The following RUVBL1 variants were observed in gnomAD, a reference collection of about 807,000 sequenced individuals.
The protein encoded by RUVBL1 is RuvB like AAA ATPase 1.
In RUVBL1, 4 loss-of-function variants were observed where a neutral mutation model predicts 52.4. The ratio of observed to expected loss-of-function variants is 0.08; its 90% CI spans 0.04 to 0.17. RUVBL1 has a LOEUF of 0.17. Among genes scored for constraint, RUVBL1 ranks in the 10% least tolerant of loss-of-function variants. RUVBL1 has a pLI of 1.00. For synonymous variants in RUVBL1, 217 were observed against 214.4 expected, an observed-to-expected ratio of 1.01 and a Z score of -0.10; for missense variants, 298 against 572.8, an observed-to-expected ratio of 0.52 and a Z score of 4.90.
chr3:128,087,585 G>A lies in RUVBL1; in HGVS notation c.1119+121C>T, dbSNP rs892897097. ...TAATGTGACTTGCTCGAGGCCAGTA[G>A]CTAAGTGGTGAGATGGTGAATGGCA... is the stretch of plus-strand genomic sequence containing the variant. On this transcript the variant is annotated intron_variant, in intron 9 of 10. Coordinates refer to ENST00000322623, the MANE Select transcript of RUVBL1 (RefSeq NM_003707.3). 5.5e-5 allele frequency: 37 copies of A among 678,018 alleles called. No individual in the cohort carries two copies. In the African/African-American group the frequency reaches 6.2e-4, roughly 11 times the overall value. 42.0% of individuals were successfully genotyped at this position (678,018 alleles called of 1,614,324 possible). A position where few individuals can be genotyped will look rare whatever the true frequency, so the allele number is the denominator to read the frequency against.
chr3:128,082,985 ACAAG>A lies in RUVBL1; in HGVS notation c.1120-415_1120-412del. On this transcript the variant is annotated intron_variant, in intron 9 of 10. Transcript: ENST00000322623. This position sits in a 1 kb window ranked among gnomAD's most constrained non-coding sequence, Gnocchi z 4.7. ...CTCTCCAGCATGGGCACTACTGCCT[ACAAG>A]CACTCAGGCAAGAAGGGACATTTTT... is the stretch of plus-strand genomic sequence containing the variant. The A allele has an allele frequency of 1.2e-5, 2 of 160,850 alleles. No individual in the cohort carries two copies. The highest frequency in any genetic ancestry group is 3.5e-4 in the South Asian group (2 of 5,728). The allele number at this position is 160,850 out of a possible 1,614,324, so 10.0% of individuals were successfully genotyped here. A position where few individuals can be genotyped will look rare whatever the true frequency, so the allele number is the denominator to read the frequency against.
intron 3 of RUVBL1, among the ~76,000 whole-genome samples, chr3:128,110,883 T>C (rs574791025): frequency 6.6e-6 from 1 of 152,246 alleles, no homozygotes; most frequent in South Asian, 2.1e-4. Flanking sequence ...CAGACATATT[T>C]TTTAGCTAAA....
At chr3:128,143,007 C>T (rs578053883) in intron 1 of RUVBL1, among the ~76,000 whole-genome samples, 1 of 152,102 alleles carries the variant, frequency 6.6e-6, no homozygotes, top group African/African-American at 2.4e-5. Context: ...TCTCGAACTC[C>T]TGACCTCAGA....
chr3:128,104,947 C>T, intron 3 of RUVBL1, 23 bp from the exon 4 acceptor site: 1 of 1,585,846 alleles, frequency 6.3e-7, no homozygotes, highest in Non-Finnish European at 8.6e-7. Flanking sequence ...GCAGAGGGGC[C>T]ATGGTGAGAA....
At chr3:128,151,535 A>C (rs1436082197) in intron 1 of RUVBL1, among the ~76,000 whole-genome samples, 1 of 151,966 alleles carries the variant, frequency 6.6e-6, no homozygotes, top group Non-Finnish European at 1.5e-5. Flanking sequence ...CTCCCTTTTA[A>C]ATACGTTTAC....
chr3:128,082,198 G>C lies in RUVBL1; in HGVS notation c.1211+285C>G. On this transcript the variant is annotated intron_variant, in intron 10 of 10. Transcript: ENST00000322623. This position sits in a 1 kb window ranked among gnomAD's most constrained non-coding sequence, Gnocchi z 4.7. The stretch of plus-strand genomic sequence containing the variant: ...CATGGTCCCTGCTCTCTAGTTCTGT[G>C]CATCTTCTCTGCCACAAGAAGGCCC... 1 of 393,142 alleles carries C rather than the reference G, an allele frequency of 2.5e-6. No homozygotes were observed. 24.4% of individuals were successfully genotyped at this position (393,142 alleles called of 1,614,324 possible).
intron 1 of RUVBL1, among the ~76,000 whole-genome samples, chr3:128,131,761 T>A (rs899273962): frequency 3.3e-5 from 5 of 151,886 alleles, no homozygotes; most frequent in African/African-American, 4.8e-5. Flanking sequence ...AGAAAAAAAA[T>A]TTGACAAAAT....
intron 1 of RUVBL1, among the ~76,000 whole-genome samples, chr3:128,145,345 C>T (rs1031114606): frequency 6.6e-6 from 1 of 152,180 alleles, no homozygotes; most frequent in African/African-American, 2.4e-5. Flanking sequence ...CAGGACTGGA[C>T]ACAAGCAGTG....
rs386397876 is a variant in RUVBL1, at chr3:128,074,842, C to CAAAAAAAAAA, written c.940-9632_940-9623dup. On this transcript the variant is annotated intron_variant, in intron 9 of 9. Transcript: ENST00000464873. ...GGGCAACAGGAGCGAAACTCCGTCT[C>CAAAAAAAAAA]AAAAAAAAAAAAAAAAAAAAAAACT... is the stretch of plus-strand genomic sequence containing the variant. 2.2e-3 allele frequency among the ~76,000 whole-genome samples: 161 copies of CAAAAAAAAAA among 72,788 alleles called. 4 individuals carry two copies. Among genetic ancestry groups the CAAAAAAAAAA allele is most frequent in the African/African-American group, 7.2e-3 (146 of 20,360 alleles). The allele number at this position is 72,788 out of a possible 152,430, so 47.8% of individuals were successfully genotyped here. A position where few individuals can be genotyped will look rare whatever the true frequency, so the allele number is the denominator to read the frequency against.
upstream of RUVBL1, among the ~76,000 whole-genome samples, chr3:128,126,719 A>T (rs146878826): frequency 6.6e-6 from 1 of 152,294 alleles, no homozygotes; most frequent in African/African-American, 2.4e-5. Flanking sequence ...AATTTCTTTC[A>T]TTTCAACAGA....
chr3:128,076,347 C>G (rs1005560237), downstream of RUVBL1, among the ~76,000 whole-genome samples: 22 of 152,124 alleles, frequency 1.4e-4, no homozygotes, highest in African/African-American at 5.1e-4. This position sits in a 1 kb window ranked among gnomAD's most constrained non-coding sequence, Gnocchi z 6.8. Context: ...CTCTGGGGGA[C>G]GGGACCACTT....
At chr3:128,149,451 C>G (rs1944152702) in intron 1 of RUVBL1, among the ~76,000 whole-genome samples, 1 of 152,234 alleles carries the variant, frequency 6.6e-6, no homozygotes, top group Non-Finnish European at 1.5e-5. Context: ...TCTCAAAGTG[C>G]TGGGGTTACA....
At chr3:128,134,092 G>A (rs1254360878) in intron 1 of RUVBL1, among the ~76,000 whole-genome samples, 2 of 152,120 alleles carry the variant, frequency 1.3e-5, no homozygotes, top group African/African-American at 4.8e-5. Flanking sequence ...TTCTGGAGCT[G>A]AAAAATTCAG....
At chr3:128,079,270 C>T (rs532348640), downstream of RUVBL1, among the ~76,000 whole-genome samples, 92 of 152,384 alleles carry the variant, frequency 6.0e-4, no homozygotes, top group African/African-American at 2.2e-3. Flanking sequence ...CAGATCTTGA[C>T]AGCTCCTAGC....
chr3:128,138,931 A>G (rs1039631491), intron 1 of RUVBL1, among the ~76,000 whole-genome samples: 25 of 152,204 alleles, frequency 1.6e-4, no homozygotes, highest in African/African-American at 6.0e-4. Context: ...CATTAGACAA[A>G]GGTGCCAAGA....
At chr3:128,090,200 A>C (rs1942796341) in intron 8 of RUVBL1, among the ~76,000 whole-genome samples, 1 of 152,252 alleles carries the variant, frequency 6.6e-6, no homozygotes. Flanking sequence ...AAAAGAGAAT[A>C]AAATGCTACA....
chr3:128,109,247 G>A (rs776305946), intron 3 of RUVBL1, among the ~76,000 whole-genome samples: 4 of 152,178 alleles, frequency 2.6e-5, no homozygotes, highest in African/African-American at 7.2e-5. Context: ...TAATACCTCT[G>A]TTTAAAACTG....
chr3:128,129,437 G>T (rs1212593781), intron 1 of RUVBL1, among the ~76,000 whole-genome samples: 2 of 152,052 alleles, frequency 1.3e-5, no homozygotes, highest in Non-Finnish European at 2.9e-5. Context: ...TTATAGCTAT[G>T]AACAGCTATA....
At chr3:128,132,754 T>C (rs1943898372) in intron 1 of RUVBL1, among the ~76,000 whole-genome samples, 1 of 152,118 alleles carries the variant, frequency 6.6e-6, no homozygotes, top group Non-Finnish European at 1.5e-5. Context: ...CCAGACAGTA[T>C]TTACCACGAG....
Sources: allele counts gnomAD v4.1 joint callset (sites outside exome capture counted in the v4.1 genomes callset), GRCh38; gene constraint gnomAD v4.1.1; non-coding constraint Gnocchi (gnomAD v3.1); transcripts MANE v1.5; gene names NCBI Gene and HGNC (gene_info 2026-07-23, HGNC 2026-07-21).